DPYD: variants seen among roughly 807,000 people sequenced by gnomAD.
The protein encoded by DPYD is dihydropyrimidine dehydrogenase.
In DPYD, 109 loss-of-function variants were observed where a neutral mutation model predicts 116.2. The ratio of observed to expected loss-of-function variants is 0.94; its 90% CI spans 0.80 to 1.10. The LOEUF is 1.10. Among genes scored for constraint, DPYD ranks in the 50% least tolerant of loss-of-function variants. The pLI, the probability that DPYD is intolerant of heterozygous loss-of-function variation, is 0.00. For missense variants in DPYD, 1,302 were observed against 1,254.5 expected, an observed-to-expected ratio of 1.04 and a Z score of -0.57; for synonymous variants, 440 against 432.0, an observed-to-expected ratio of 1.02 and a Z score of -0.23.
chr1:97,830,688 A>G (rs1669496545), intron 2 of DPYD, among the ~76,000 whole-genome samples: 1 of 151,194 alleles, frequency 6.6e-6, no homozygotes, highest in African/African-American at 2.4e-5. Flanking sequence ...CCAGCCGGGG[A>G]CAGAGTGAGA....
rs56276561 is a variant in DPYD, at chr1:97,721,492, C to T, written c.483+18G>A. 30,310 of 1,610,268 alleles carry T rather than the reference C, an allele frequency of 0.019. 353 individuals carry two copies. The highest frequency in any genetic ancestry group is 0.022 in the Non-Finnish European group (25,741 of 1,177,360). ...TGGTGATGGTAGTGGGGGGATGTCA[C>T]GTGTATATCATACATACCTCAGTAG... On this transcript the variant is annotated intron_variant, in intron 5 of 22. Transcript: ENST00000370192.
At chr1:97,857,928 G>C (rs767668161) in intron 2 of DPYD, among the ~76,000 whole-genome samples, 12 of 151,848 alleles carry the variant, frequency 7.9e-5, no homozygotes, top group Non-Finnish European at 4.4e-5. Flanking sequence ...GACTCAACTG[G>C]TGTCTACTGC....
At chr1:97,098,871 A>G (rs1309081884) in intron 20 of DPYD, among the ~76,000 whole-genome samples, 1 of 152,184 alleles carries the variant, frequency 6.6e-6, no homozygotes, top group African/African-American at 2.4e-5. Flanking sequence ...TGTATTACAT[A>G]TACAAATGTT....
chr1:97,689,206 C>T lies in DPYD; in HGVS notation c.762+2511G>A, dbSNP rs114001841. 5.8e-3 allele frequency among the ~76,000 whole-genome samples: 882 copies of T among 151,042 alleles called. 13 individuals are homozygous for T. The highest frequency in any genetic ancestry group is 0.02 in the African/African-American group (838 of 41,224). ...AAATTAATCTTAGAACTAACAAGGACTGATTGGCTAATAAGATAAATTGAA... is the reference window on the plus strand; with the variant it reads ...AAATTAATCTTAGAACTAACAAGGATTGATTGGCTAATAAGATAAATTGAA... On this transcript the variant is annotated intron_variant, in intron 7 of 22. Transcript: ENST00000370192.
At chr1:97,831,359 T>C (rs1490153183) in intron 2 of DPYD, among the ~76,000 whole-genome samples, 1 of 152,114 alleles carries the variant, frequency 6.6e-6, no homozygotes, top group Non-Finnish European at 1.5e-5. Flanking sequence ...CAATAACACT[T>C]CTCTAACATT....
At position 97,574,600 on chromosome 1, in the gene DPYD, C is replaced by T. The variant is rs118033060; in HGVS notation, c.1129-630G>A. On this transcript the variant is annotated intron_variant, in intron 10 of 22. Coordinates refer to ENST00000370192, the MANE Select transcript of DPYD (RefSeq NM_000110.4). ...ATGCCCAGTTCTTCCCCATTTCCTA[C>T]GTAATTCATTTTGCCATAAAATCTG... is the stretch of plus-strand genomic sequence containing the variant. 2.1e-4 allele frequency among the ~76,000 whole-genome samples: 32 copies of T among 152,200 alleles called. No homozygotes were observed. In the East Asian group the frequency reaches 5.6e-3, roughly 27 times the overall value.
chr1:97,529,003 C>T (rs560067628), intron 12 of DPYD, among the ~76,000 whole-genome samples: 39 of 152,244 alleles, frequency 2.6e-4, no homozygotes, highest in Admixed American at 1.2e-3. Context: ...TCCAAACTTA[C>T]CTTATGCCAA....
chr1:97,849,500 ATTT>A (rs879721746), intron 2 of DPYD, among the ~76,000 whole-genome samples: 1 of 143,536 alleles, frequency 7.0e-6, no homozygotes, highest in South Asian at 2.2e-4. Flanking sequence ...TTCTACATTC[ATTT>A]TTTTTTTTTT....
chr1:97,897,956 TA>T (rs1673166456), intron 1 of DPYD, among the ~76,000 whole-genome samples: 1 of 151,808 alleles, frequency 6.6e-6, no homozygotes, highest in African/African-American at 2.4e-5. Context: ...CGCATTCCTA[TA>T]AATGTTTTTG....
chr1:97,824,022 T>G (rs1394043903), intron 3 of DPYD, among the ~76,000 whole-genome samples: 1 of 152,122 alleles, frequency 6.6e-6, no homozygotes, highest in Non-Finnish European at 1.5e-5. Flanking sequence ...CTTTATAGTA[T>G]CTATTATCAA....
intron 19 of DPYD, among the ~76,000 whole-genome samples, chr1:97,203,793 C>CAAAAAAAAAAAAAA (rs56819543): frequency 1.5e-5 from 1 of 65,694 alleles, no homozygotes; most frequent in Non-Finnish European, 2.8e-5. Flanking sequence ...ATTCACATTC[C>CAAAAAAAAAAAAAA]AAAAAAAAAA....
chr1:97,743,275 T>C (rs1188112523), intron 3 of DPYD, among the ~76,000 whole-genome samples: 1 of 152,112 alleles, frequency 6.6e-6, no homozygotes, highest in Admixed American at 6.6e-5. Context: ...GTCATGAATA[T>C]GCCAGAATGG....
At chr1:97,634,053 A>C (rs1657424955) in intron 8 of DPYD, among the ~76,000 whole-genome samples, 1 of 152,128 alleles carries the variant, frequency 6.6e-6, no homozygotes, top group Non-Finnish European at 1.5e-5. Flanking sequence ...CTTCAGCTCG[A>C]AAATCATCCT....
intron 12 of DPYD, among the ~76,000 whole-genome samples, chr1:97,520,415 G>A (rs191235222): frequency 4.8e-4 from 73 of 152,196 alleles, no homozygotes; most frequent in African/African-American, 1.3e-3. Flanking sequence ...TACTTCTTGG[G>A]ACATTTCCTT....
chr1:97,398,271 G>T (rs7512345), intron 14 of DPYD, among the ~76,000 whole-genome samples: 142,205 of 152,158 alleles, frequency 0.93, 67,236 homozygotes, highest in East Asian at 1. Context: ...AAAAATGACA[G>T]GAACTCATTA....
At chr1:97,274,499 A>G (rs1325433982) in intron 18 of DPYD, among the ~76,000 whole-genome samples, 11 of 152,168 alleles carry the variant, frequency 7.2e-5, no homozygotes, top group African/African-American at 2.4e-4. Context: ...TGCTTCTTGT[A>G]GAGTCTGCAG....
intron 1 of DPYD, among the ~76,000 whole-genome samples, chr1:97,912,735 A>G (rs979261633): frequency 6.6e-6 from 1 of 152,170 alleles, no homozygotes; most frequent in African/African-American, 2.4e-5. Context: ...AGGAATGAAC[A>G]TTTTGTGGTG....
Position 97,549,752 on chromosome 1 carries a change from A to C in DPYD, c.1340-8T>G. On this transcript the variant is annotated splice_polypyrimidine_tract_variant and splice_region_variant and intron_variant, in intron 11 of 22. Transcript: ENST00000370192. ...GGCTCAAGGCTTCTTTTACTGAAAA[A>C]ACAAGTGAAAAACAATAGACAATCA... The C allele has an allele frequency of 3.1e-6, 5 of 1,612,350 alleles. No homozygotes were observed. The highest frequency in any genetic ancestry group is 4.2e-6 in the Non-Finnish European group (5 of 1,178,874).
At chr1:97,598,999 C>G (rs1359654606) in intron 8 of DPYD, among the ~76,000 whole-genome samples, 1 of 152,196 alleles carries the variant, frequency 6.6e-6, no homozygotes, top group Non-Finnish European at 1.5e-5. Context: ...CCAGTCCTAT[C>G]TAAAGTAATC....
Sources: gnomAD v4.1 joint callset for allele counts (sites outside exome capture counted in the v4.1 genomes callset) on GRCh38, gnomAD v4.1.1 for gene constraint, MANE v1.5 for transcripts, NCBI Gene and HGNC (gene_info 2026-07-23, HGNC 2026-07-21) for gene names.